VIT: variants seen among roughly 807,000 people sequenced by gnomAD.
VIT encodes the protein vitrin.
Under a neutral mutation model 78.0 loss-of-function variants are expected in VIT, and 99 were observed. The ratio of observed to expected loss-of-function variants is 1.27; its 90% CI spans 1.08 to 1.50. VIT has a LOEUF of 1.50. Ranked by LOEUF, VIT falls within the 40% of genes most tolerant of loss-of-function variation. The pLI, the probability that VIT is intolerant of heterozygous loss-of-function variation, is 0.00. For missense variants in VIT, 1,126 were observed against 875.3 expected, an observed-to-expected ratio of 1.29 and a Z score of -3.61; for synonymous variants, 374 against 334.3, an observed-to-expected ratio of 1.12 and a Z score of -1.29.
chr2:36,807,350 A>T (rs62132497), intron 14 of VIT, among the ~76,000 whole-genome samples: 18 of 151,518 alleles, frequency 1.2e-4, no homozygotes, highest in Non-Finnish European at 2.5e-4. Flanking sequence ...CCCTGTGTTC[A>T]GTCCAGCTAG....
rs188519131 is a variant in VIT at position 36,814,539 on chromosome 2, A to G, written c.*178A>G. 9 of 779,114 alleles carry G rather than the reference A, an allele frequency of 1.2e-5. No individual in the cohort carries two copies. Among genetic ancestry groups the G allele is most frequent in the South Asian group, 6.4e-5 (3 of 47,200 alleles). 48.3% of individuals were successfully genotyped at this position (779,114 alleles called of 1,614,324 possible). ...TCATATTCCAAAACTTGGAGTTACAAAGATGATCACAAACGTATAGAATGA... is the reference window on the plus strand; with the variant it reads ...TCATATTCCAAAACTTGGAGTTACAGAGATGATCACAAACGTATAGAATGA... On this transcript the variant is annotated 3_prime_UTR_variant, in exon 16 of 16. Transcript: ENST00000379242.
At chr2:36,720,826 T>G (rs1027940444) in intron 2 of VIT, among the ~76,000 whole-genome samples, 23 of 152,092 alleles carry the variant, frequency 1.5e-4, no homozygotes, top group African/African-American at 5.3e-4. Flanking sequence ...CTGGCCAACA[T>G]GGCAAAATCC....
Position 36,805,551 on chromosome 2 carries a change from G to A in VIT, c.1276G>A (p.Glu426Lys), listed in dbSNP as rs767000721. ...MVDGWPTDKV[E>K]EASRLARESG... ...GGATGGCTGGCCCACGGACAAAGTG[G>A]AGGAGGCTTCAAGACTTGCGAGAGA... is the stretch of plus-strand genomic sequence containing the variant. The change falls in exon 14 of 16, where the codon GAG becomes AAG. Residue 426 changes from glutamate (E) to lysine (K), a missense_variant. By Grantham distance (56) the Glu-to-Lys change is moderately conservative (BLOSUM62 1). Transcript: ENST00000379242. 1 of 1,614,150 alleles carries A rather than the reference G, an allele frequency of 6.2e-7. No individual in the cohort carries two copies. The highest frequency in any genetic ancestry group is 8.5e-7 in the Non-Finnish European group (1 of 1,180,006).
intron 3 of VIT, among the ~76,000 whole-genome samples, chr2:36,741,557 T>A (rs1004506157): frequency 6.6e-6 from 1 of 152,100 alleles, no homozygotes; most frequent in African/African-American, 2.4e-5. Flanking sequence ...ATTCTCCTCA[T>A]TCAGGTACAC....
intron 1 of VIT, among the ~76,000 whole-genome samples, chr2:36,708,395 G>A (rs1016750797): frequency 9.2e-5 from 14 of 152,212 alleles, no homozygotes; most frequent in African/African-American, 3.1e-4. Context: ...TAGCATTGTA[G>A]ATCAGACAAA....
At chr2:36,798,285 G>C (rs890327938) in intron 12 of VIT, among the ~76,000 whole-genome samples, 1 of 152,152 alleles carries the variant, frequency 6.6e-6, no homozygotes, top group African/African-American at 2.4e-5. Flanking sequence ...CCAACACAGG[G>C]ATTCTTAGGG....
chr2:36,734,049 A>T (rs1348358407), intron 3 of VIT, among the ~76,000 whole-genome samples: 25 of 152,192 alleles, frequency 1.6e-4, no homozygotes, highest in Non-Finnish European at 1.5e-5. Flanking sequence ...CTGGACCGGC[A>T]GCATCAGCAT....
At chr2:36,781,471 T>C (rs945579166) in intron 9 of VIT, among the ~76,000 whole-genome samples, 1 of 152,192 alleles carries the variant, frequency 6.6e-6, no homozygotes, top group East Asian at 1.9e-4. Flanking sequence ...AATCCAAGGA[T>C]TCCCATTATT....
intron 12 of VIT, among the ~76,000 whole-genome samples, chr2:36,799,697 A>G (rs947088155): frequency 1.4e-5 from 2 of 146,076 alleles, no homozygotes; most frequent in Non-Finnish European, 3.0e-5. Context: ...AGGTTGAGCA[A>G]CAGAACGAAA....
intron 9 of VIT, among the ~76,000 whole-genome samples, chr2:36,779,453 GT>G (rs1190148124): frequency 2.0e-5 from 3 of 152,124 alleles, no homozygotes; most frequent in Non-Finnish European, 2.9e-5. Context: ...ATATACCTTT[GT>G]TTTTTTAATT....
Position 36,808,893 on chromosome 2 carries a change from C to T in VIT, c.1811C>T (p.Ser604Phe), listed in dbSNP as rs1009735803. 2.5e-6 allele frequency: 4 copies of T among 1,614,092 alleles called. No individual in the cohort carries two copies. The Admixed American group carries it at 5.0e-5, about 20-fold the overall frequency. ...GCCCTGGAGCAGCTCTTCAAGAAGT[C>T]CAAGCCCAACAAGAGGAAGTTAATG... is the stretch of plus-strand genomic sequence containing the variant. ...NFALEQLFKKSKPNKRKLMIL... is the reference protein window; with the variant it reads ...NFALEQLFKKFKPNKRKLMIL... The change falls in exon 15 of 16, where the codon TCC becomes TTC. Residue 604 changes from serine to phenylalanine, a missense_variant. Physicochemically the swap from Ser to Phe is radical, Grantham distance 155. Coordinates refer to ENST00000379242, the MANE Select transcript of VIT (RefSeq NM_053276.4).
intron 14 of VIT, 151 bp downstream of exon 14, chr2:36,805,815 A>T: frequency 1.2e-6 from 1 of 804,454 alleles, no homozygotes; most frequent in Non-Finnish European, 1.9e-6. Context: ...GGTCAATCCG[A>T]AACCTGCAAT....
chr2:36,778,782 G>A (rs150415995), intron 9 of VIT, among the ~76,000 whole-genome samples: 2 of 152,296 alleles, frequency 1.3e-5, no homozygotes, highest in East Asian at 1.9e-4. Context: ...TCCAGGGAAA[G>A]TGCAGCCCTT....
chr2:36,761,143 G>C (rs1669093589), intron 6 of VIT, among the ~76,000 whole-genome samples: 1 of 152,222 alleles, frequency 6.6e-6, no homozygotes, highest in Non-Finnish European at 1.5e-5. Context: ...TGATGGATCT[G>C]CAGAAAGATT....
intron 5 of VIT, among the ~76,000 whole-genome samples, chr2:36,755,974 T>TTTTTTTTTTG (rs1668737562): frequency 1.3e-5 from 2 of 149,676 alleles, no homozygotes; most frequent in Non-Finnish European, 3.0e-5. Flanking sequence ...TTTTTTTTTT[T>TTTTTTTTTTG]GAGACGGAGT....
intron 6 of VIT, chr2:36,759,733 C>A: frequency 1.1e-6 from 1 of 918,664 alleles, no homozygotes; most frequent in Non-Finnish European, 1.3e-6. Flanking sequence ...CATTATGAGC[C>A]TGATAGTTCA....
chr2:36,743,034 A>G, intron 3 of VIT, 66 bp from the exon 4 acceptor site: 1 of 1,593,176 alleles, frequency 6.3e-7, no homozygotes, highest in South Asian at 1.1e-5. Context: ...TTGAGACCTA[A>G]CAGTGTCACC....
At position 36,728,837 on chromosome 2, in the gene VIT, G is replaced by A. The variant is rs11885812; in HGVS notation, c.53-589G>A. 6.9e-3 allele frequency among the ~76,000 whole-genome samples: 859 copies of A among 124,596 alleles called. 7 individuals are homozygous for A. The highest frequency in any genetic ancestry group is 8.9e-3 in the Non-Finnish European group (517 of 57,922). 81.7% of individuals were successfully genotyped at this position (124,596 alleles called of 152,430 possible). A position where few individuals can be genotyped will look rare whatever the true frequency, so the allele number is the denominator to read the frequency against. On this transcript the variant is annotated intron_variant, in intron 2 of 15. Coordinates refer to ENST00000379242, the MANE Select transcript of VIT (RefSeq NM_053276.4). ...CAAAAAAAAAAAAAAAAAGAAAAAAGAAAAAATATTTTTTATAAATTTAGT... is the reference window on the plus strand; with the variant it reads ...CAAAAAAAAAAAAAAAAAGAAAAAAAAAAAAATATTTTTTATAAATTTAGT...
At chr2:36,747,884 G>A (rs1668234679) in intron 4 of VIT, among the ~76,000 whole-genome samples, 1 of 152,182 alleles carries the variant, frequency 6.6e-6, no homozygotes, top group Non-Finnish European at 1.5e-5. Flanking sequence ...TGTGGTAGCA[G>A]GTATCGTTCT....
Sources: allele counts gnomAD v4.1 joint callset (sites outside exome capture counted in the v4.1 genomes callset), GRCh38; gene constraint gnomAD v4.1.1; transcripts MANE v1.5; gene names NCBI Gene and HGNC (gene_info 2026-07-23, HGNC 2026-07-21).